CDC42BPG: variants seen among roughly 807,000 people sequenced by gnomAD.
CDC42BPG encodes serine/threonine-protein kinase MRCK gamma.
CDC42BPG carries 157 observed loss-of-function variants against 192.2 expected under a neutral mutation model. The observed-to-expected ratio is 0.82, with a 90% CI of 0.72 to 0.93. CDC42BPG has a LOEUF of 0.93. Ranked by LOEUF, CDC42BPG falls within the 40% of genes least tolerant of loss-of-function variation. CDC42BPG has a pLI of 0.00. For missense variants in CDC42BPG, 1,992 were observed against 2,122.1 expected (o/e 0.94, Z 1.20); for synonymous variants, 981 against 918.5 (o/e 1.07, Z -1.23).
intron 24 of CDC42BPG, 28 bp downstream of exon 24, chr11:64,833,203 C>A (rs1414198752): frequency 6.6e-7 from 1 of 1,504,848 alleles, no homozygotes; most frequent in South Asian, 1.2e-5. Context: ...GGGACCGTGG[C>A]TGGAGCATAG....
Position 64,826,459 on chromosome 11 carries a change from G to T in CDC42BPG, c.4599+11C>A, listed in dbSNP as rs962654418. 1.3e-6 allele frequency: 2 copies of T among 1,580,684 alleles called. No individual in the cohort carries two copies. Among genetic ancestry groups the T allele is most frequent in the Non-Finnish European group, 1.7e-6 (2 of 1,160,718 alleles). On this transcript the variant is annotated intron_variant, in intron 36 of 36. Coordinates refer to ENST00000342711, the MANE Select transcript of CDC42BPG (RefSeq NM_017525.3). ...GAATAGGGGACGGACAAGCCTCCCG[G>T]ACCCGCTCACCTGCATTAGGGAGGT...
rs1592721410 is a variant in CDC42BPG, at chr11:64,839,711, G to A, written c.582-140C>T. On this transcript the variant is annotated intron_variant, in intron 5 of 36. Coordinates refer to ENST00000342711, the MANE Select transcript of CDC42BPG (RefSeq NM_017525.3). ...CTGTGTGTAGGTGCTCATGTGATGAGCAACGTGTGTGTGTGTAGATGATCC... is the reference window on the plus strand; with the variant it reads ...CTGTGTGTAGGTGCTCATGTGATGAACAACGTGTGTGTGTGTAGATGATCC... 2.3e-5 allele frequency: 15 copies of A among 660,166 alleles called. No individual in the cohort carries two copies. In the East Asian group the frequency reaches 3.0e-4, roughly 13 times the overall value. The allele number at this position is 660,166 out of a possible 1,614,324, so 40.9% of individuals were successfully genotyped here.
intron 17 of CDC42BPG, 30 bp downstream of exon 17, chr11:64,835,017 T>TGGGCC: frequency 6.4e-7 from 1 of 1,571,948 alleles, no homozygotes; most frequent in Non-Finnish European, 8.7e-7. Flanking sequence ...TCGCCTGCGT[T>TGGGCC]CCCCACCCCG....
chr11:64,834,823 C>T, intron 18 of CDC42BPG, 26 bp downstream of exon 18: 1 of 1,596,584 alleles, frequency 6.3e-7, no homozygotes. Context: ...CCCAAGCCAG[C>T]CCCCAGGGGC....
intron 28 of CDC42BPG, among the ~76,000 whole-genome samples, chr11:64,831,009 G>A (rs1942658653): frequency 6.6e-6 from 1 of 152,198 alleles, no homozygotes. Flanking sequence ...CCTGAGGTCA[G>A]GAGTTCGAGA....
At chr11:64,824,643 C>G (rs1455382864) in intron 36 of CDC42BPG, 114 bp from the exon 37 acceptor site, 1 of 677,398 alleles carries the variant, frequency 1.5e-6, no homozygotes, top group Non-Finnish European at 2.6e-6. Flanking sequence ...TATCAGGGCC[C>G]CTGGAGGAAG....
rs926904210 is a variant in CDC42BPG, at chr11:64,823,235, C to T, written c.*1238G>A. 6.6e-6 allele frequency among the ~76,000 whole-genome samples: 1 copy of T among 152,030 alleles called. No individual in the cohort carries two copies. The highest frequency in any genetic ancestry group is 1.5e-5 in the Non-Finnish European group (1 of 67,990). ...CCGAGTAGCAGGGACTACAGGCACC[C>T]GTCACCACGCCCGGCTAATTTTTTG... is the stretch of plus-strand genomic sequence containing the variant. On this transcript the variant is annotated 3_prime_UTR_variant, in exon 37 of 37. Transcript: ENST00000342711.
intron 24 of CDC42BPG, 125 bp from the exon 25 acceptor site, chr11:64,833,084 C>T: frequency 7.6e-7 from 1 of 1,322,056 alleles, no homozygotes; most frequent in Non-Finnish European, 1.0e-6. Flanking sequence ...TCCCCAATTC[C>T]TCATCAAGTG....
intron 13 of CDC42BPG, 107 bp downstream of exon 13, chr11:64,836,010 G>T: frequency 7.2e-7 from 1 of 1,385,214 alleles, no homozygotes; most frequent in Non-Finnish European, 9.8e-7. Flanking sequence ...CCTAGCCTCT[G>T]CCAGCTACAA....
chr11:64,839,459 T>C lies in CDC42BPG; in HGVS notation c.675+19A>G. 6.2e-7 allele frequency: 1 copy of C among 1,611,776 alleles called. No homozygotes were observed. Among genetic ancestry groups the C allele is most frequent in the Non-Finnish European group, 8.5e-7 (1 of 1,179,032 alleles). On this transcript the variant is annotated intron_variant, in intron 6 of 36. Coordinates refer to ENST00000342711, the MANE Select transcript of CDC42BPG (RefSeq NM_017525.3). ...CCCGCCTTGTATCCCCTGCTCCCAC[T>C]CTGGGGCGGGGTCCTTACCATGCCG...
Position 64,833,657 on chromosome 11 carries a change from A to G in CDC42BPG, c.2568T>C (p.Ala856=), listed in dbSNP as rs1942819140. The G allele has an allele frequency of 5.0e-6, 8 of 1,612,086 alleles. No individual in the cohort carries two copies. Among genetic ancestry groups the G allele is most frequent in the African/African-American group, 1.3e-5 (1 of 74,902 alleles). The change falls in exon 23 of 37, where the codon GCT becomes GCC. Residue 856 remains alanine, a splice_region_variant and synonymous_variant. Transcript: ENST00000342711. ...PEGRRSLRMG[A]VFPRAPTANT... Reference sequence around the variant, plus strand: ...TGGCAGTGGGTGCTCTGGGGAACACAGCCTGCAGGAGGGCGGGGGAGCAGG... The same window carrying G: ...TGGCAGTGGGTGCTCTGGGGAACACGGCCTGCAGGAGGGCGGGGGAGCAGG...
In CDC42BPG at chr11:64,834,329, T is replaced by C. The variant is rs1045392533; in HGVS notation, c.2350A>G (p.Ser784Gly). 1 of 1,575,500 alleles carries C rather than the reference T, an allele frequency of 6.3e-7. No individual in the cohort carries two copies. Among genetic ancestry groups the C allele is most frequent in the Admixed American group, 1.8e-5 (1 of 55,686 alleles). ...GCGAGCTCCTGTTGCAGGGCCTGGC[T>C]CTGCTTCTCGGCCTCCTGCAGACGG... ...ERRLQEAEKQ[S>G]QALQQELAML... Residue 784 changes from serine to glycine, a missense_variant, in exon 20 of 37, where the codon AGC becomes GGC. This residue lies in a region of CDC42BPG where 1,656 missense variants were observed against 1,844.3 expected (regional missense o/e 0.90). Coordinates refer to ENST00000342711, the MANE Select transcript of CDC42BPG (RefSeq NM_017525.3).
At chr11:64,841,577 A>T in intron 3 of CDC42BPG, 73 bp downstream of exon 3, 49 of 862,966 alleles carry the variant, frequency 5.7e-5, no homozygotes, top group Non-Finnish European at 6.7e-5. Flanking sequence ...CCCGCGCCAT[A>T]GGCCCTGGCA....
In CDC42BPG at chr11:64,831,616, G is replaced by C; in HGVS notation, c.3193C>G (p.Gln1065Glu). The stretch of plus-strand genomic sequence containing the variant: ...GGCCGCGCGTCCAGCAGCAGCCGCT[G>C]CAGCTCACCCAGCACCTGCAGCCAG... The part of the protein sequence containing the change: ...ERWLQVLGEL[Q>E]RLLLDARPRP... Residue 1065 changes from glutamine to glutamate, a missense_variant, in exon 28 of 37, where the codon CAG (glutamine) becomes GAG (glutamate). By Grantham distance (29) the Gln-to-Glu change is conservative. This residue lies in a region of CDC42BPG where 1,656 missense variants were observed against 1,844.3 expected (regional missense o/e 0.90). Coordinates refer to ENST00000342711, the MANE Select transcript of CDC42BPG (RefSeq NM_017525.3). 1 of 1,611,912 alleles carries C rather than the reference G, an allele frequency of 6.2e-7. No individual in the cohort carries two copies. Among genetic ancestry groups the C allele is most frequent in the South Asian group, 1.1e-5 (1 of 91,044 alleles).
chr11:64,826,932 T>C (rs1942450530), intron 34 of CDC42BPG, 118 bp downstream of exon 34: 1 of 1,164,524 alleles, frequency 8.6e-7, no homozygotes, highest in South Asian at 1.5e-5. Context: ...AGCAGAAGTG[T>C]GAGTCCCAGG....
chr11:64,841,610 T>A, intron 3 of CDC42BPG, 40 bp downstream of exon 3: 56 of 1,110,016 alleles, frequency 5.0e-5, no homozygotes, highest in Non-Finnish European at 6.0e-5. Context: ...CCCACACCCA[T>A]TTGTAGGGTG....
chr11:64,842,408 T>C (rs374953174), intron 1 of CDC42BPG, among the ~76,000 whole-genome samples: 68 of 152,210 alleles, frequency 4.5e-4, no homozygotes, highest in African/African-American at 1.6e-3. Context: ...CCTGTAGGCA[T>C]AGAGGTGCCT....
intron 7 of CDC42BPG, 38 bp from the exon 8 acceptor site, chr11:64,838,940 C>A: frequency 6.2e-7 from 1 of 1,607,694 alleles, no homozygotes; most frequent in South Asian, 1.1e-5. Context: ...GGTCAAGTGT[C>A]CAGGAACCCA....
chr11:64,827,661 C>T (rs1942497953), intron 31 of CDC42BPG, 25 bp downstream of exon 31: 6 of 1,607,100 alleles, frequency 3.7e-6, no homozygotes, highest in African/African-American at 2.7e-5. Context: ...CCCGGCGCTA[C>T]CCCAGGGCTC....
Sources: allele counts gnomAD v4.1 joint callset (sites outside exome capture counted in the v4.1 genomes callset), GRCh38; gene constraint gnomAD v4.1.1; regional missense constraint gnomAD v4.1.1; transcripts MANE v1.5; gene names NCBI Gene and HGNC (gene_info 2026-07-23, HGNC 2026-07-21).